Variants in LRBA observed in about 807,000 individuals in gnomAD.
The protein encoded by LRBA is LPS responsive beige-like anchor protein.
Under a neutral mutation model 330.0 loss-of-function variants are expected in LRBA, and 176 were observed. The observed-to-expected ratio is 0.53, with a 90% CI of 0.47 to 0.60. The LOEUF is 0.60. LRBA is among the 20% of genes least tolerant of loss of function. The pLI, the probability that LRBA is intolerant of heterozygous loss-of-function variation, is 0.00. For missense variants in LRBA, 3,259 were observed against 3,444.8 expected (o/e 0.95, Z 1.35); for synonymous variants, 1,230 against 1,193.0 (o/e 1.03, Z -0.64).
rs1161633067 is a variant in LRBA at position 151,004,611 on chromosome 4, G to A, written c.216+9816C>T. On this transcript the variant is annotated intron_variant, in intron 2 of 56. Coordinates refer to ENST00000651943, the MANE Select transcript of LRBA (RefSeq NM_001364905.1). The stretch of plus-strand genomic sequence containing the variant: ...AAAAGCTAACATGTGACTAAGGCAG[G>A]GTACTCTTGTAATGGACAGAAACTG... Among the ~76,000 whole-genome samples the A allele has an allele frequency of 5.3e-5, 8 of 152,248 alleles. 2 individuals are homozygous for A. Among genetic ancestry groups the A allele is most frequent in the Admixed American group, 6.5e-5 (1 of 15,282 alleles).
chr4:150,579,251 A>G (rs1216695868), intron 40 of LRBA: 3 of 456,616 alleles, frequency 6.6e-6, no homozygotes, highest in South Asian at 3.1e-5. Flanking sequence ...GGGCTCTTCA[A>G]TTACAGCCTC....
chr4:150,951,060 G>A (rs1736781982), intron 2 of LRBA, among the ~76,000 whole-genome samples: 1 of 152,198 alleles, frequency 6.6e-6, no homozygotes, highest in Non-Finnish European at 1.5e-5. Context: ...AGGAGGCCTA[G>A]CTGCACCATA....
Position 150,916,672 on chromosome 4 carries a change from TA to T in LRBA, c.711del (p.Arg238GlufsTer5). On this transcript the variant is annotated frameshift_variant, in exon 6 of 57. Coordinates refer to ENST00000651943, the MANE Select transcript of LRBA (RefSeq NM_001364905.1). LOFTEE classifies it high-confidence loss of function. The part of the protein sequence containing the change: ...YQNGFTFHTW[L>X]RMDPVNNINV... ...TTGATGTTATTTACAGGATCCATTC[TA>T]AGCCATGTATGAAATGTAAAACCAT... is the stretch of plus-strand genomic sequence containing the variant. 6.2e-7 allele frequency: 1 copy of T among 1,601,082 alleles called. No individual in the cohort carries two copies. The highest frequency in any genetic ancestry group is 8.5e-7 in the Non-Finnish European group (1 of 1,174,650).
intron 46 of LRBA, chr4:150,422,667 G>A (rs973903449): frequency 3.0e-5 from 20 of 666,610 alleles, no homozygotes; most frequent in Non-Finnish European, 4.4e-5. Context: ...GCACTGCTCC[G>A]GCTCCTCTAA....
intron 2 of LRBA, among the ~76,000 whole-genome samples, chr4:150,934,837 C>T (rs1302478310): frequency 2.0e-5 from 3 of 152,016 alleles, no homozygotes; most frequent in Non-Finnish European, 4.4e-5. Context: ...GGCGAAACCC[C>T]GTCTCTACTA....
At chr4:150,890,479 A>T (rs1014039709) in intron 17 of LRBA, among the ~76,000 whole-genome samples, 1 of 152,026 alleles carries the variant, frequency 6.6e-6, no homozygotes, top group Non-Finnish European at 1.5e-5. Flanking sequence ...CACTAGGATT[A>T]AAAAAAAGCA....
At chr4:150,696,250 A>C (rs1051361411) in intron 36 of LRBA, among the ~76,000 whole-genome samples, 4 of 152,190 alleles carry the variant, frequency 2.6e-5, no homozygotes, top group Admixed American at 2.6e-4. Context: ...TAAATTTCAA[A>C]TAAAAGCAGT....
chr4:150,917,602 T>A (rs1381249944), intron 5 of LRBA, among the ~76,000 whole-genome samples: 1 of 152,150 alleles, frequency 6.6e-6, no homozygotes, highest in Non-Finnish European at 1.5e-5. Flanking sequence ...TACTACATAA[T>A]AAAAGGATCT....
At chr4:150,560,138 A>G (rs149170567) in intron 40 of LRBA, among the ~76,000 whole-genome samples, 1 of 150,642 alleles carries the variant, frequency 6.6e-6, no homozygotes, top group East Asian at 1.9e-4. Flanking sequence ...TTCAGGGGGA[A>G]AGGAGTATAA....
chr4:151,002,698 A>T (rs1483582862), intron 2 of LRBA, among the ~76,000 whole-genome samples: 1 of 144,016 alleles, frequency 6.9e-6, no homozygotes, highest in Non-Finnish European at 1.6e-5. Flanking sequence ...AGATGATATT[A>T]AAAAAAAAAA....
chr4:150,685,420 A>ATTTTT lies in LRBA; in HGVS notation c.5755-1708_5755-1704dup, dbSNP rs70941424. On this transcript the variant is annotated intron_variant, in intron 36 of 56. Coordinates refer to ENST00000651943, the MANE Select transcript of LRBA (RefSeq NM_001364905.1). ...TATATATATATATATATATATATAT[A>ATTTTT]TTTTTTTTTTTTTTTTTTTTTTTTT... Among the ~76,000 whole-genome samples the ATTTTT allele has an allele frequency of 7.5e-4, 13 of 17,440 alleles. 1 individual carries two copies. Among genetic ancestry groups the ATTTTT allele is most frequent in the Admixed American group, 2.7e-3 (2 of 752 alleles). The allele number at this position is 17,440 out of a possible 152,430, so 11.4% of individuals were successfully genotyped here. A position where few individuals can be genotyped will look rare whatever the true frequency, so the allele number is the denominator to read the frequency against.
chr4:150,996,480 G>A (rs556622788), intron 2 of LRBA, among the ~76,000 whole-genome samples: 1 of 152,196 alleles, frequency 6.6e-6, no homozygotes, highest in South Asian at 2.1e-4. Flanking sequence ...TAAAGAGTTG[G>A]TCATTCCATT....
At chr4:150,844,608 T>C (rs755764334) in intron 27 of LRBA, 50 bp downstream of exon 27, 7 of 1,507,542 alleles carry the variant, frequency 4.6e-6, no homozygotes, top group Non-Finnish European at 6.3e-6. Flanking sequence ...AAAATCTTAA[T>C]TGTAAAATAG....
chr4:150,266,548 G>C (rs1036662540), intron 56 of LRBA, among the ~76,000 whole-genome samples: 2 of 152,134 alleles, frequency 1.3e-5, no homozygotes, highest in African/African-American at 4.8e-5. Context: ...CCAGCCCTTA[G>C]AAGCCATATT....
intron 37 of LRBA, among the ~76,000 whole-genome samples, chr4:150,618,779 GTTTAT>G (rs1179350618): frequency 6.6e-6 from 1 of 150,738 alleles, no homozygotes; most frequent in African/African-American, 2.4e-5. Flanking sequence ...TAAAAATGCT[GTTTAT>G]TTTAATTATG....
intron 46 of LRBA, among the ~76,000 whole-genome samples, chr4:150,417,542 C>T (rs1353758104): frequency 6.6e-6 from 1 of 152,136 alleles, no homozygotes; most frequent in Non-Finnish European, 1.5e-5. Flanking sequence ...GTAATACCCG[C>T]TGCCCACTTC....
At chr4:150,368,320 GA>G (rs201989897) in intron 47 of LRBA, among the ~76,000 whole-genome samples, 24 of 149,974 alleles carry the variant, frequency 1.6e-4, no homozygotes, top group South Asian at 4.2e-4. Flanking sequence ...CCTTAAAAAG[GA>G]AAAAAAAATA....
At chr4:150,300,657 G>A (rs573444596) in intron 53 of LRBA, among the ~76,000 whole-genome samples, 10 of 151,750 alleles carry the variant, frequency 6.6e-5, no homozygotes, top group South Asian at 4.2e-4. Flanking sequence ...TACTTAATTC[G>A]TTTTTTAAAG....
intron 37 of LRBA, among the ~76,000 whole-genome samples, chr4:150,680,761 C>T (rs1368069451): frequency 6.6e-6 from 1 of 152,130 alleles, no homozygotes; most frequent in East Asian, 1.9e-4. Flanking sequence ...TAGCACCTGA[C>T]CTTCTCTATA....
Sources: gnomAD v4.1 joint callset for allele counts (sites outside exome capture counted in the v4.1 genomes callset) on GRCh38, gnomAD v4.1.1 for gene constraint, MANE v1.5 for transcripts, NCBI Gene and HGNC (gene_info 2026-07-23, HGNC 2026-07-21) for gene names.